UBE2S: variants seen among roughly 807,000 people sequenced by gnomAD.
The protein encoded by UBE2S is ubiquitin-conjugating enzyme E2 S.
A neutral mutation model predicts 12.3 loss-of-function variants in UBE2S; 3 were observed. The ratio of observed to expected loss-of-function variants is 0.24; its 90% CI spans 0.11 to 0.63. UBE2S has a LOEUF of 0.63. Among genes scored for constraint, UBE2S ranks in the 30% least tolerant of loss-of-function variants. The probability of loss-of-function intolerance (pLI) is 0.85; values close to 1 mark genes in which losing one functional copy is unlikely to be tolerated. For missense variants in UBE2S, 211 were observed against 313.9 expected (o/e 0.67, Z 2.48); for synonymous variants, 133 against 142.0 (o/e 0.94, Z 0.45).
chr19:55,404,451 A>G lies in UBE2S; in HGVS notation c.179T>C (p.Phe60Ser), dbSNP rs2090083485. The G allele has an allele frequency of 6.2e-7, 1 of 1,610,798 alleles. No individual in the cohort carries two copies. The highest frequency in any genetic ancestry group is 8.5e-7 in the Non-Finnish European group (1 of 1,178,214). ...CTTCCCCAGCAGGAGTTTCATGCGG[A>G]ACAGACCTCCAGCATATGGGGTCCC... Reference protein sequence around the residue: ...PEGTPYAGGLFRMKLLLGKDF... With the variant: ...PEGTPYAGGLSRMKLLLGKDF... Residue 60 changes from phenylalanine to serine, a missense_variant, in exon 3 of 4, where the codon TTC (phenylalanine) becomes TCC (serine). Coordinates refer to ENST00000264552, the MANE Select transcript of UBE2S (RefSeq NM_014501.3). The surrounding 1 kb of genome is among the most constrained non-coding windows in gnomAD (Gnocchi z 4.4).
rs1272186989 is a variant in UBE2S, at chr19:55,400,806, GT to G, written c.*629del. 6.5e-6 allele frequency: 1 copy of G among 152,808 alleles called. No homozygotes were observed. The highest frequency in any genetic ancestry group is 1.5e-5 in the Non-Finnish European group (1 of 68,482). 9.5% of individuals were successfully genotyped at this position (152,808 alleles called of 1,614,324 possible). ...TGTGATCTGTTGTGCAGAAATACAT[GT>G]GGGAACAGGCTTTGCTGCCCACAAG... On this transcript the variant is annotated 3_prime_UTR_variant, in exon 4 of 4. Coordinates refer to ENST00000264552, the MANE Select transcript of UBE2S (RefSeq NM_014501.3).
At chr19:55,405,790 C>A (rs1211665943) in intron 2 of UBE2S, among the ~76,000 whole-genome samples, 1 of 152,186 alleles carries the variant, frequency 6.6e-6, no homozygotes, top group African/African-American at 2.4e-5. Flanking sequence ...CCTCCCAACC[C>A]AGTGAACGCC....
intron 3 of UBE2S, chr19:55,403,115 GCACCCCCGAGTT>G: frequency 9.2e-6 from 8 of 872,166 alleles, no homozygotes; most frequent in Non-Finnish European, 1.5e-5. Flanking sequence ...GATGCTAGTG[GCACCCCCGAGTT>G]GTGACAACCC....
intron 3 of UBE2S, 152 bp from the exon 4 acceptor site, chr19:55,401,914 T>C: frequency 1.5e-6 from 1 of 664,930 alleles, no homozygotes; most frequent in Non-Finnish European, 2.2e-6. Context: ...TCCCTCATCT[T>C]TGCTCCTGTC....
Position 55,401,624 on chromosome 19 carries a change from G to A in UBE2S, c.481C>T (p.Pro161Ser), listed in dbSNP as rs778875694. The A allele has an allele frequency of 2.5e-6, 4 of 1,605,210 alleles. No homozygotes were observed. The highest frequency in any genetic ancestry group is 1.7e-6 in the Non-Finnish European group (2 of 1,177,030). The change falls in exon 4 of 4, where the codon CCC becomes TCC. Residue 161 changes from proline (P) to serine (S), a missense_variant. Around this residue, in one of 2 missense-constraint regions of UBE2S, gnomAD observed 127 missense variants for 224.0 expected, o/e 0.57. Coordinates refer to ENST00000264552, the MANE Select transcript of UBE2S (RefSeq NM_014501.3). ...CGACCGGCTTCGGCCCTGCCGCTGG[G>A]CCCGCCGGCGCCCCCGTGGATCTCT... ...LTEIHGGAGG[P>S]SGRAEAGRAL...
At position 55,401,559 on chromosome 19, in the gene UBE2S, A is replaced by T. The variant is rs908676405; in HGVS notation, c.546T>A (p.Pro182=). 31 of 1,609,790 alleles carry T rather than the reference A, an allele frequency of 1.9e-5. No individual in the cohort carries two copies. Among genetic ancestry groups the T allele is most frequent in the Non-Finnish European group, 2.5e-5 (30 of 1,179,398 alleles). Residue 182 remains proline (P), a synonymous_variant, in exon 4 of 4, where the codon CCT becomes CCA. Transcript: ENST00000264552. ...ASGTEASSTD[P]GAPGGPGGAE... ...CCCCTCCCGGGCCCCCTGGGGCCCC[A>T]GGGTCGGTGGAGGAAGCTTCAGTGC...
In UBE2S at chr19:55,401,618, C is replaced by G. The variant is rs750061593; in HGVS notation, c.487G>C (p.Gly163Arg). 107 of 1,605,392 alleles carry G rather than the reference C, an allele frequency of 6.7e-5. No individual in the cohort carries two copies. The Admixed American group carries it at 1.8e-3, about 27-fold the overall frequency. ...EIHGGAGGPS[G>R]RAEAGRALAS... ...AGGGCCCGACCGGCTTCGGCCCTGC[C>G]GCTGGGCCCGCCGGCGCCCCCGTGG... is the stretch of plus-strand genomic sequence containing the variant. The change falls in exon 4 of 4, where the codon GGC (glycine) becomes CGC (arginine). Residue 163 changes from glycine to arginine, a missense_variant. By Grantham distance (125) the Gly-to-Arg change is moderately radical. Around this residue, in one of 2 missense-constraint regions of UBE2S, gnomAD observed 84 missense variants for 89.9 expected, o/e 0.93. Coordinates refer to ENST00000264552, the MANE Select transcript of UBE2S (RefSeq NM_014501.3).
chr19:55,404,909 T>C lies in UBE2S; in HGVS notation c.152-431A>G, dbSNP rs1430921273. Among the ~76,000 whole-genome samples, 1 of 150,172 alleles carries C rather than the reference T, an allele frequency of 6.7e-6. No homozygotes were observed. The highest frequency in any genetic ancestry group is 2.4e-5 in the African/African-American group (1 of 41,006). On this transcript the variant is annotated intron_variant, in intron 2 of 3. Coordinates refer to ENST00000264552, the MANE Select transcript of UBE2S (RefSeq NM_014501.3). This position sits in a 1 kb window ranked among gnomAD's most constrained non-coding sequence, Gnocchi z 4.4. ...TGAACCACCATGCCCAGTCAGGCTG[T>C]AGAATTCTTAAGAGCAAGAGGCCAG...
intron 3 of UBE2S, chr19:55,402,874 A>G: frequency 7.4e-7 from 1 of 1,358,200 alleles, no homozygotes; most frequent in Admixed American, 2.4e-5. Context: ...GGAAACCCCA[A>G]TTCCCCACCC....
Position 55,404,333 on chromosome 19 carries a change from G to A in UBE2S, c.297C>T (p.Leu99=). The change falls in exon 3 of 4, where the codon CTC becomes CTT. Residue 99 remains leucine (L), a synonymous_variant. Transcript: ENST00000264552. This position sits in a 1 kb window ranked among gnomAD's most constrained non-coding sequence, Gnocchi z 4.4. ...GANGEICVNV[L]KRDWTAELGI... is the part of the protein sequence containing the mutation. ...CCAGCTCAGCCGTCCAGTCCCTCTTGAGCACGTTGACGCAGATCTCGCCAT... is the reference window on the plus strand; with the variant it reads ...CCAGCTCAGCCGTCCAGTCCCTCTTAAGCACGTTGACGCAGATCTCGCCAT... The A allele has an allele frequency of 1.9e-6, 3 of 1,613,756 alleles. No individual in the cohort carries two copies. The highest frequency in any genetic ancestry group is 2.5e-6 in the Non-Finnish European group (3 of 1,179,874).
intron 3 of UBE2S, chr19:55,403,276 G>A (rs2090074441): frequency 1.7e-6 from 1 of 572,858 alleles, no homozygotes; most frequent in Non-Finnish European, 3.1e-6. Flanking sequence ...CGGCATGTAA[G>A]CTCAGCTTTA....
In UBE2S at chr19:55,404,616, T is replaced by C; in HGVS notation, c.152-138A>G. 1.3e-6 allele frequency: 1 copy of C among 749,118 alleles called. No homozygotes were observed. Among genetic ancestry groups the C allele is most frequent in the Non-Finnish European group, 2.1e-6 (1 of 467,412 alleles). The allele number at this position is 749,118 out of a possible 1,614,324, so 46.4% of individuals were successfully genotyped here. A position where few individuals can be genotyped will look rare whatever the true frequency, so the allele number is the denominator to read the frequency against. On this transcript the variant is annotated intron_variant, in intron 2 of 3. Transcript: ENST00000264552. This position sits in a 1 kb window ranked among gnomAD's most constrained non-coding sequence, Gnocchi z 4.4. Reference sequence around the variant, plus strand: ...ACTCTGCCAACAGACTGGAGGATTCTTTTTTTCTTTTTTTGAAATAAGGTC... The same window carrying C: ...ACTCTGCCAACAGACTGGAGGATTCCTTTTTTCTTTTTTTGAAATAAGGTC...
rs955647945 is a variant in UBE2S at position 55,400,474 on chromosome 19, A to C, written c.*962T>G. On this transcript the variant is annotated 3_prime_UTR_variant, in exon 4 of 4. Transcript: ENST00000264552. ...ACTAAGCTGGGATCTTACCCCTGTGATTTAGTCATTATCACTTAAGTATCT... is the reference window on the plus strand; with the variant it reads ...ACTAAGCTGGGATCTTACCCCTGTGCTTTAGTCATTATCACTTAAGTATCT... The C allele has an allele frequency of 2.6e-5, 4 of 152,164 alleles. No homozygotes were observed. Among genetic ancestry groups the C allele is most frequent in the African/African-American group, 9.7e-5 (4 of 41,424 alleles). 9.4% of individuals were successfully genotyped at this position (152,164 alleles called of 1,614,324 possible).
intron 2 of UBE2S, among the ~76,000 whole-genome samples, chr19:55,405,087 GTAAT>G (rs1487992008): frequency 6.7e-6 from 1 of 150,218 alleles, no homozygotes; most frequent in Non-Finnish European, 1.5e-5. Context: ...GTGCATGCCT[GTAAT>G]CCCAGCTACT....
rs762051776 is a variant in UBE2S at position 55,401,545 on chromosome 19, C to T, written c.560G>A (p.Gly187Asp). ...ASSTDPGAPG[G>D]PGGAEGPMAK... ...CATGGGACCCTCAGCCCCTCCCGGGCCCCCTGGGGCCCCAGGGTCGGTGGA... is the reference window on the plus strand; with the variant it reads ...CATGGGACCCTCAGCCCCTCCCGGGTCCCCTGGGGCCCCAGGGTCGGTGGA... Residue 187 changes from glycine to aspartate, a missense_variant, in exon 4 of 4, where the codon GGC becomes GAC. By Grantham distance (94) the Gly-to-Asp change is moderately conservative (BLOSUM62 -1). Coordinates refer to ENST00000264552, the MANE Select transcript of UBE2S (RefSeq NM_014501.3). 1.1e-5 allele frequency: 18 copies of T among 1,610,310 alleles called. No individual in the cohort carries two copies. The highest frequency in any genetic ancestry group is 2.2e-5 in the East Asian group (1 of 44,844).
chr19:55,407,453 G>T lies in UBE2S; in HGVS notation c.3+134C>A, dbSNP rs889349048. ...GCTCCGCCTGCGGGAAGGCCCTCGG[G>T]CCCATCCCGGGTCAGGGACCCCCAG... On this transcript the variant is annotated intron_variant, in intron 1 of 3. Coordinates refer to ENST00000264552, the MANE Select transcript of UBE2S (RefSeq NM_014501.3). 157 of 1,006,438 alleles carry T rather than the reference G, an allele frequency of 1.6e-4. 1 individual carries two copies. The African/African-American group carries it at 2.5e-3, about 16-fold the overall frequency. 62.3% of individuals were successfully genotyped at this position (1,006,438 alleles called of 1,614,324 possible).
intron 2 of UBE2S, among the ~76,000 whole-genome samples, chr19:55,405,720 A>G (rs1292572229): frequency 2.6e-5 from 4 of 152,068 alleles, no homozygotes; most frequent in Admixed American, 1.3e-4. Context: ...GCACTTTCCT[A>G]TAAGATGCCC....
In UBE2S at chr19:55,404,135, C is replaced by G; in HGVS notation, c.342+153G>C. 1 of 1,035,080 alleles carries G rather than the reference C, an allele frequency of 9.7e-7. No homozygotes were observed. The highest frequency in any genetic ancestry group is 1.4e-6 in the Non-Finnish European group (1 of 713,744). The allele number at this position is 1,035,080 out of a possible 1,614,324, so 64.1% of individuals were successfully genotyped here. ...GTGTCCTGGGTCTGGCACTGTTTGTCTTTCCAGGAAAGCTAGCAACATGGA... is the reference window on the plus strand; with the variant it reads ...GTGTCCTGGGTCTGGCACTGTTTGTGTTTCCAGGAAAGCTAGCAACATGGA... On this transcript the variant is annotated intron_variant, in intron 3 of 3. Transcript: ENST00000264552. The surrounding 1 kb of genome is among the most constrained non-coding windows in gnomAD (Gnocchi z 4.4).
intron 1 of UBE2S, among the ~76,000 whole-genome samples, chr19:55,407,195 A>T (rs1330298367): frequency 8.7e-6 from 1 of 115,344 alleles, no homozygotes; most frequent in African/African-American, 3.5e-5. Flanking sequence ...CCACCCCAGA[A>T]CCCCCCCCCC....
Sources: gnomAD v4.1 joint callset for allele counts (sites outside exome capture counted in the v4.1 genomes callset) on GRCh38, gnomAD v4.1.1 for gene constraint, gnomAD v4.1.1 regional missense constraint, Gnocchi (gnomAD v3.1) non-coding constraint, MANE v1.5 for transcripts, NCBI Gene and HGNC (gene_info 2026-07-23, HGNC 2026-07-21) for gene names.